DIXDC1: variants seen among roughly 807,000 people sequenced by gnomAD.
The protein encoded by DIXDC1 is DIX domain containing 1.
DIXDC1 carries 64 observed loss-of-function variants against 103.1 expected under a neutral mutation model. That is an observed-to-expected ratio of 0.62 (90% CI 0.51 to 0.76). DIXDC1 has a LOEUF of 0.76. Among genes scored for constraint, DIXDC1 ranks in the 30% least tolerant of loss-of-function variants. The pLI is 0.00. For synonymous variants in DIXDC1, 266 were observed against 298.5 expected (o/e 0.89, Z 1.12); for missense variants, 759 against 834.2 (o/e 0.91, Z 1.11).
At chr11:111,994,522 T>C (rs1860817223) in intron 14 of DIXDC1, among the ~76,000 whole-genome samples, 1 of 151,208 alleles carries the variant, frequency 6.6e-6, no homozygotes, top group Admixed American at 6.6e-5. Context: ...ACCATACATA[T>C]ATATGTATAT....
At chr11:111,973,266 G>A (rs1451086350) in intron 3 of DIXDC1, among the ~76,000 whole-genome samples, 1 of 151,892 alleles carries the variant, frequency 6.6e-6, no homozygotes, top group African/African-American at 2.4e-5. Flanking sequence ...CAGCTACTCA[G>A]GAGGCTGAGG....
intron 3 of DIXDC1, among the ~76,000 whole-genome samples, chr11:111,970,312 C>T (rs781795570): frequency 3.3e-5 from 5 of 152,168 alleles, no homozygotes; most frequent in Non-Finnish European, 5.9e-5. Context: ...GCCTCAGCCT[C>T]CCAAAGTGCT....
chr11:111,930,525 T>C (rs781837654), intron 2 of DIXDC1, among the ~76,000 whole-genome samples: 1 of 152,232 alleles, frequency 6.6e-6, no homozygotes, highest in Non-Finnish European at 1.5e-5. Flanking sequence ...GCACAAACTT[T>C]TTAACTTGCT....
At chr11:111,975,962 A>G in intron 5 of DIXDC1, 1 of 900,536 alleles carries the variant, frequency 1.1e-6, no homozygotes, top group East Asian at 1.2e-4. Context: ...AATTCACATA[A>G]CATAAAATTA....
chr11:111,977,539 C>T lies in DIXDC1; in HGVS notation c.656+2556C>T. ...TGCACAGTCTGAGCGGCCGGGACTG[C>T]GCGCTTCAGAGCCTGGAGCATCCCA... On this transcript the variant is annotated intron_variant, in intron 5 of 19. Transcript: ENST00000440460. The surrounding 1 kb of genome is among the most constrained non-coding windows in gnomAD (Gnocchi z 6.1). 6.9e-7 allele frequency: 1 copy of T among 1,439,842 alleles called. No homozygotes were observed. Among genetic ancestry groups the T allele is most frequent in the African/African-American group, 1.5e-5 (1 of 68,158 alleles). 89.2% of individuals were successfully genotyped at this position (1,439,842 alleles called of 1,614,324 possible). A position where few individuals can be genotyped will look rare whatever the true frequency, so the allele number is the denominator to read the frequency against.
intron 2 of DIXDC1, chr11:111,929,934 GA>G (rs1555167502): frequency 6.5e-7 from 1 of 1,532,406 alleles, no homozygotes; most frequent in East Asian, 2.4e-5. Flanking sequence ...GTACTATTGT[GA>G]AAAGCGTGAT....
chr11:111,946,479 C>T (rs1966602117), intron 1 of DIXDC1, among the ~76,000 whole-genome samples: 2 of 152,196 alleles, frequency 1.3e-5, no homozygotes, highest in African/African-American at 4.8e-5. Flanking sequence ...CCACCTTGGC[C>T]TCCCAAAGTG....
chr11:111,966,760 C>G (rs1859755461), intron 2 of DIXDC1, among the ~76,000 whole-genome samples: 1 of 152,166 alleles, frequency 6.6e-6, no homozygotes, highest in Non-Finnish European at 1.5e-5. Context: ...AGAAAAGCTC[C>G]TCACAAGATT....
At position 112,018,994 on chromosome 11, in the gene DIXDC1, G is replaced by A. The variant is rs1555178112; in HGVS notation, c.2010G>A (p.Gly670=). The A allele has an allele frequency of 2.5e-6, 4 of 1,613,578 alleles. No individual in the cohort carries two copies. Among genetic ancestry groups the A allele is most frequent in the Non-Finnish European group, 3.4e-6 (4 of 1,179,620 alleles). The change falls in exon 20 of 20, where the codon GGG becomes GGA. Residue 670 remains glycine, a synonymous_variant. Transcript: ENST00000440460. ...ATGATGCCATCCCTGGATGGGAAGGGAAAATTGTAGCTTGGGTGGAAGAAG... is the reference window on the plus strand; with the variant it reads ...ATGATGCCATCCCTGGATGGGAAGGAAAAATTGTAGCTTGGGTGGAAGAAG... ...HDDDAIPGWE[G]KIVAWVEEDH...
At chr11:111,994,936 T>C in intron 14 of DIXDC1, 83 bp from the exon 15 acceptor site, 4 of 1,242,536 alleles carry the variant, frequency 3.2e-6, no homozygotes, top group Middle Eastern at 1.9e-4. Context: ...CAGGAAGTGA[T>C]AAATGTAAAG....
chr11:111,937,336 A>T (rs1966239452), upstream of DIXDC1: 9 of 1,414,452 alleles, frequency 6.4e-6, no homozygotes, highest in South Asian at 1.4e-4. Flanking sequence ...GCCCAGTGCA[A>T]GCCGCTAGTT....
At chr11:111,935,829 C>A (rs187410335), upstream of DIXDC1, among the ~76,000 whole-genome samples, 455 of 152,326 alleles carry the variant, frequency 3.0e-3, 2 homozygotes, top group South Asian at 0.031. Context: ...CAGCATTAGC[C>A]AGAATTGAAC....
intron 2 of DIXDC1, among the ~76,000 whole-genome samples, chr11:111,965,939 A>G (rs1555171465): frequency 6.6e-6 from 1 of 152,196 alleles, no homozygotes; most frequent in African/African-American, 2.4e-5. Context: ...TAAACATTTA[A>G]TGTTTCATTT....
intron 1 of DIXDC1, among the ~76,000 whole-genome samples, chr11:111,960,594 TAAAA>T (rs57035300): frequency 1.4e-5 from 2 of 139,684 alleles, no homozygotes; most frequent in Non-Finnish European, 1.6e-5. Flanking sequence ...AACTCTGTCT[TAAAA>T]AAAAAAAAAA....
At chr11:111,985,911 CT>C (rs1420611891) in intron 8 of DIXDC1, among the ~76,000 whole-genome samples, 2 of 152,190 alleles carry the variant, frequency 1.3e-5, no homozygotes, top group Admixed American at 1.3e-4. Flanking sequence ...GCTACTTGTC[CT>C]TTTGGATATC....
At chr11:111,990,630 T>A (rs1393716883) in intron 10 of DIXDC1, among the ~76,000 whole-genome samples, 3 of 152,228 alleles carry the variant, frequency 2.0e-5, no homozygotes, top group African/African-American at 7.2e-5. Context: ...GCTAAATGAT[T>A]TATTATACAT....
At chr11:111,962,966 G>A (rs1366639861) in intron 1 of DIXDC1, among the ~76,000 whole-genome samples, 1 of 152,162 alleles carries the variant, frequency 6.6e-6, no homozygotes, top group African/African-American at 2.4e-5. Context: ...GAGGCAGAAG[G>A]TGCAGCCATT....
At chr11:111,929,338 G>A (rs1308768289) in intron 1 of DIXDC1, among the ~76,000 whole-genome samples, 1 of 152,098 alleles carries the variant, frequency 6.6e-6, no homozygotes, top group Non-Finnish European at 1.5e-5. Context: ...AGGAAGAAAG[G>A]AAAATGCATT....
intron 1 of DIXDC1, among the ~76,000 whole-genome samples, chr11:111,962,700 C>T (rs368771293): frequency 6.6e-6 from 1 of 152,208 alleles, no homozygotes; most frequent in African/African-American, 2.4e-5. Context: ...AGATTTTAAG[C>T]AGGAATGTGT....
Sources: gnomAD v4.1 joint callset for allele counts (sites outside exome capture counted in the v4.1 genomes callset) on GRCh38, gnomAD v4.1.1 for gene constraint, Gnocchi (gnomAD v3.1) non-coding constraint, MANE v1.5 for transcripts, NCBI Gene and HGNC (gene_info 2026-07-23, HGNC 2026-07-21) for gene names.